The following PID1 variants were observed in gnomAD, a reference collection of about 807,000 sequenced individuals.
PID1 encodes the protein phosphotyrosine interaction domain containing 1.
A neutral mutation model predicts 19.1 loss-of-function variants in PID1; 10 were observed. The observed-to-expected ratio is 0.52, with a 90% confidence interval of 0.32 to 0.89. The LOEUF (loss-of-function observed/expected upper bound fraction) is 0.89, where lower values mean the gene tolerates loss of function less well. PID1 is among the 40% of genes least tolerant of loss of function. The pLI is 0.03. For synonymous variants in PID1, 130 were observed against 116.0 expected (o/e 1.12, Z -0.78); for missense variants, 248 against 285.3 (o/e 0.87, Z 0.94).
intron 1 of PID1, among the ~76,000 whole-genome samples, chr2:229,157,812 CTTCCCT>C (rs1690407346): frequency 4.6e-5 from 7 of 152,174 alleles, no homozygotes; most frequent in Admixed American, 3.9e-4. Context: ...GCTTGTATTA[CTTCCCT>C]GTACAAGGCA....
At chr2:229,069,678 G>A (rs140707883) in intron 2 of PID1, among the ~76,000 whole-genome samples, 2 of 152,266 alleles carry the variant, frequency 1.3e-5, no homozygotes, top group African/African-American at 4.8e-5. Flanking sequence ...TCAGTAAGAC[G>A]CTGGTTTTGT....
Position 229,138,902 on chromosome 2 carries a change from A to G in PID1, c.177+16916T>C, listed in dbSNP as rs935968068. 2.3e-4 allele frequency among the ~76,000 whole-genome samples: 34 copies of G among 150,912 alleles called. 1 individual carries two copies. Among genetic ancestry groups the G allele is most frequent in the Non-Finnish European group, 7.4e-5 (5 of 67,812 alleles). On this transcript the variant is annotated intron_variant, in intron 2 of 2. Coordinates refer to ENST00000392055, the MANE Select transcript of PID1 (RefSeq NM_001100818.2). ...GGAAAGCGGGTGGGGAAAAGAGCAC[A>G]GAGGGGTAATGGACAGGGGATGAAA...
chr2:229,198,211 C>T (rs781196393), intron 1 of PID1, among the ~76,000 whole-genome samples: 6 of 151,978 alleles, frequency 3.9e-5, no homozygotes, highest in Admixed American at 1.3e-4. Flanking sequence ...AAACAAAACA[C>T]GTGAGGTTTT....
chr2:229,220,258 C>T (rs147432962), intron 1 of PID1, among the ~76,000 whole-genome samples: 184 of 152,246 alleles, frequency 1.2e-3, no homozygotes, highest in African/African-American at 4.3e-3. Flanking sequence ...ACCTCATTTA[C>T]AGAGAAAACT....
intron 1 of PID1, among the ~76,000 whole-genome samples, chr2:229,198,561 T>G (rs892248304): frequency 6.6e-6 from 1 of 152,090 alleles, no homozygotes; most frequent in Non-Finnish European, 1.5e-5. Context: ...ATATGTCCCA[T>G]ATGGAATACA....
chr2:229,211,202 T>C (rs1691726625), intron 1 of PID1, among the ~76,000 whole-genome samples: 1 of 152,068 alleles, frequency 6.6e-6, no homozygotes, highest in Non-Finnish European at 1.5e-5. Flanking sequence ...TGAGCACAAA[T>C]CAGAGTGGAG....
chr2:229,084,214 G>C (rs1256432721), intron 2 of PID1, among the ~76,000 whole-genome samples: 2 of 152,160 alleles, frequency 1.3e-5, no homozygotes, highest in Admixed American at 1.3e-4. Flanking sequence ...CAGGGATAGA[G>C]AGGTGACAAG....
intron 1 of PID1, among the ~76,000 whole-genome samples, chr2:229,163,677 G>GCGCGCA (rs1308165050): frequency 2.1e-5 from 1 of 48,344 alleles, no homozygotes; most frequent in African/African-American, 3.8e-5. Flanking sequence ...GTGTGTGTGC[G>GCGCGCA]TGTGCGTGTG....
intron 2 of PID1, among the ~76,000 whole-genome samples, chr2:229,108,389 A>G (rs1695221042): frequency 6.6e-6 from 1 of 152,324 alleles, no homozygotes; most frequent in Admixed American, 6.5e-5. Context: ...GATGACACCA[A>G]TGCATGGGGG....
chr2:229,157,207 A>G (rs1204188390), intron 1 of PID1, among the ~76,000 whole-genome samples: 1 of 152,112 alleles, frequency 6.6e-6, no homozygotes, highest in African/African-American at 2.4e-5. Flanking sequence ...AGGAAAGGGG[A>G]TCACGTGAGG....
intron 1 of PID1, among the ~76,000 whole-genome samples, chr2:229,206,873 G>A (rs919638287): frequency 6.6e-6 from 1 of 152,118 alleles, no homozygotes; most frequent in African/African-American, 2.4e-5. Context: ...ATGTGTATAG[G>A]AATCACCGAG....
At chr2:229,211,437 T>A (rs760683062) in intron 1 of PID1, among the ~76,000 whole-genome samples, 7 of 152,100 alleles carry the variant, frequency 4.6e-5, no homozygotes, top group Non-Finnish European at 7.4e-5. Flanking sequence ...GAATGAAAAA[T>A]CTTTATTTGC....
At chr2:229,158,874 T>C (rs973411697) in intron 1 of PID1, among the ~76,000 whole-genome samples, 1 of 150,174 alleles carries the variant, frequency 6.7e-6, no homozygotes, top group Non-Finnish European at 1.5e-5. Flanking sequence ...GATCTAAAAA[T>C]AAAAACAATT....
At chr2:229,255,709 A>G (rs1450643824) in intron 1 of PID1, among the ~76,000 whole-genome samples, 1 of 152,206 alleles carries the variant, frequency 6.6e-6, no homozygotes, top group African/African-American at 2.4e-5. Context: ...TATGTAGGAA[A>G]CAGGGATCTG....
chr2:229,164,907 C>G (rs762285167), intron 1 of PID1, among the ~76,000 whole-genome samples: 5 of 152,140 alleles, frequency 3.3e-5, no homozygotes, highest in Non-Finnish European at 5.9e-5. Context: ...TTCAGAGGGT[C>G]TCCTTAAATA....
intron 2 of PID1, among the ~76,000 whole-genome samples, chr2:229,033,645 G>A (rs1020355110): frequency 9.2e-5 from 14 of 152,178 alleles, no homozygotes; most frequent in African/African-American, 2.9e-4. Flanking sequence ...AAACCTGCAC[G>A]TTCTGCACAT....
chr2:229,105,373 T>A (rs1380807852), intron 2 of PID1, among the ~76,000 whole-genome samples: 1 of 152,188 alleles, frequency 6.6e-6, no homozygotes, highest in Admixed American at 6.5e-5. Context: ...AAAAGCTGAA[T>A]AACCAATTCA....
At chr2:229,148,129 C>T (rs1690173165) in intron 2 of PID1, among the ~76,000 whole-genome samples, 1 of 152,078 alleles carries the variant, frequency 6.6e-6, no homozygotes, top group Non-Finnish European at 1.5e-5. Flanking sequence ...GTTTTAATTC[C>T]TAGTATGAAA....
At chr2:229,265,383 CTG>C (rs1431119626) in intron 1 of PID1, among the ~76,000 whole-genome samples, 5 of 152,262 alleles carry the variant, frequency 3.3e-5, no homozygotes, top group Admixed American at 1.3e-4. Flanking sequence ...CAAAACAAGT[CTG>C]TGTCTTTTCC....
Sources: gnomAD v4.1 joint callset for allele counts (sites outside exome capture counted in the v4.1 genomes callset) on GRCh38, gnomAD v4.1.1 for gene constraint, MANE v1.5 for transcripts, NCBI Gene and HGNC (gene_info 2026-07-23, HGNC 2026-07-21) for gene names.